The following SPIDR variants were observed in gnomAD, a reference collection of about 807,000 sequenced individuals.
SPIDR encodes the protein DNA repair-scaffolding protein.
Under a neutral mutation model 104.6 loss-of-function variants are expected in SPIDR, and 93 were observed. That is an observed-to-expected ratio of 0.89 (90% CI 0.75 to 1.06). The LOEUF (loss-of-function observed/expected upper bound fraction) is 1.06, where lower values mean the gene tolerates loss of function less well. SPIDR is among the 50% of genes least tolerant of loss of function. The pLI is 0.00. For missense variants in SPIDR, 1,154 were observed against 1,111.2 expected, an observed-to-expected ratio of 1.04 and a Z score of -0.55; for synonymous variants, 431 against 416.9, an observed-to-expected ratio of 1.03 and a Z score of -0.41.
At chr8:47,730,632 G>A (rs1042241059) in intron 19 of SPIDR, among the ~76,000 whole-genome samples, 1 of 152,194 alleles carries the variant, frequency 6.6e-6, no homozygotes, top group African/African-American at 2.4e-5. Context: ...CCAGGCTGGA[G>A]TGCAGTGACA....
At chr8:47,331,965 CTTT>C (rs1183447584) in intron 5 of SPIDR, among the ~76,000 whole-genome samples, 55 of 32,706 alleles carry the variant, frequency 1.7e-3, no homozygotes, top group East Asian at 0.012. Context: ...TTTTTTTAAA[CTTT>C]TTTTTTTTTT....
intron 1 of SPIDR, among the ~76,000 whole-genome samples, chr8:47,266,819 T>C (rs1283484967): frequency 6.6e-6 from 1 of 152,232 alleles, no homozygotes; most frequent in Non-Finnish European, 1.5e-5. Context: ...TACAGAGTTG[T>C]ACAAATGTTC....
chr8:47,372,950 G>A (rs782075443), intron 5 of SPIDR, among the ~76,000 whole-genome samples: 1 of 152,124 alleles, frequency 6.6e-6, no homozygotes, highest in Non-Finnish European at 1.5e-5. Flanking sequence ...TTCTTAGCAG[G>A]GGTTAGGTAC....
chr8:47,564,567 C>T (rs995558748), intron 8 of SPIDR, among the ~76,000 whole-genome samples: 1 of 151,858 alleles, frequency 6.6e-6, no homozygotes, highest in African/African-American at 2.4e-5. Flanking sequence ...GTAGTTCCAG[C>T]TATTCAGGAG....
chr8:47,603,239 C>T (rs1419296499), intron 10 of SPIDR, among the ~76,000 whole-genome samples: 1 of 151,806 alleles, frequency 6.6e-6, no homozygotes, highest in Non-Finnish European at 1.5e-5. Flanking sequence ...GTGATGATTC[C>T]TTAGTGATTC....
At chr8:47,534,158 T>C (rs1458051405) in intron 8 of SPIDR, among the ~76,000 whole-genome samples, 4 of 152,244 alleles carry the variant, frequency 2.6e-5, no homozygotes, top group Non-Finnish European at 4.4e-5. Flanking sequence ...GCACCATGAT[T>C]GTAAGTTTCC....
At chr8:47,309,554 G>A (rs2043740712) in intron 5 of SPIDR, among the ~76,000 whole-genome samples, 1 of 152,154 alleles carries the variant, frequency 6.6e-6, no homozygotes, top group Non-Finnish European at 1.5e-5. Context: ...CAAGGAGTTT[G>A]TCAGATTGTT....
intron 5 of SPIDR, chr8:47,388,406 GAA>G (rs1304649243): frequency 6.5e-6 from 1 of 154,102 alleles, no homozygotes; most frequent in Non-Finnish European, 1.5e-5. Context: ...GGTTTTAAAA[GAA>G]GAGAAAATTC....
intron 5 of SPIDR, among the ~76,000 whole-genome samples, chr8:47,314,770 A>G (rs1370897332): frequency 6.6e-6 from 1 of 152,156 alleles, no homozygotes; most frequent in Non-Finnish European, 1.5e-5. Flanking sequence ...ACAAATAGCA[A>G]ACTTACAAAC....
intron 8 of SPIDR, among the ~76,000 whole-genome samples, chr8:47,451,262 G>A (rs2071669617): frequency 6.6e-6 from 1 of 152,102 alleles, no homozygotes; most frequent in South Asian, 2.1e-4. Flanking sequence ...TTCTGGAGCT[G>A]AAAGTACAAT....
chr8:47,486,084 C>T (rs1045937054), intron 8 of SPIDR, among the ~76,000 whole-genome samples: 5 of 152,098 alleles, frequency 3.3e-5, no homozygotes, highest in Admixed American at 6.6e-5. Context: ...GAACCCATCG[C>T]AAAGCAGCTA....
At chr8:47,701,633 T>C (rs917733800) in intron 12 of SPIDR, 88 bp from the exon 13 acceptor site, 16 of 1,292,722 alleles carry the variant, frequency 1.2e-5, no homozygotes, top group African/African-American at 3.0e-5. Flanking sequence ...CAAATATGTA[T>C]ATATTAAAGA....
chr8:47,267,936 C>G (rs1318371810), intron 1 of SPIDR, among the ~76,000 whole-genome samples: 1 of 152,096 alleles, frequency 6.6e-6, no homozygotes, highest in Admixed American at 6.5e-5. Context: ...AGATTTATTC[C>G]TATGTTTTCT....
intron 5 of SPIDR, among the ~76,000 whole-genome samples, chr8:47,369,866 A>T (rs1265109287): frequency 6.6e-6 from 1 of 152,124 alleles, no homozygotes; most frequent in Non-Finnish European, 1.5e-5. Flanking sequence ...AGTCCTATTA[A>T]ATTCATTAAT....
At chr8:47,327,807 C>T (rs2047943164) in intron 5 of SPIDR, among the ~76,000 whole-genome samples, 1 of 152,146 alleles carries the variant, frequency 6.6e-6, no homozygotes, top group South Asian at 2.1e-4. Flanking sequence ...AGGTGATCCA[C>T]TTGTCTTGGC....
At chr8:47,283,260 G>T (rs1218435883) in intron 2 of SPIDR, among the ~76,000 whole-genome samples, 1 of 152,202 alleles carries the variant, frequency 6.6e-6, no homozygotes, top group South Asian at 2.1e-4. Flanking sequence ...TAATATTGGT[G>T]TGTTGCAGAG....
chr8:47,588,082 TATATAC>T (rs2060508533), intron 8 of SPIDR, among the ~76,000 whole-genome samples: 1 of 93,858 alleles, frequency 1.1e-5, no homozygotes, highest in Non-Finnish European at 2.1e-5. Context: ...TATATATATA[TATATAC>T]ACGTATGTAT....
intron 11 of SPIDR, 142 bp from the exon 12 acceptor site, chr8:47,700,261 C>A: frequency 2.4e-6 from 2 of 846,656 alleles, no homozygotes; most frequent in Non-Finnish European, 4.0e-6. Context: ...GTGCCTTCTT[C>A]CCCCTCTGAA....
At chr8:47,327,998 G>A (rs1264834256) in intron 5 of SPIDR, among the ~76,000 whole-genome samples, 7 of 149,814 alleles carry the variant, frequency 4.7e-5, no homozygotes, top group Non-Finnish European at 1.0e-4. Context: ...ACCCCTGGCC[G>A]TGTTTTTTTT....
Sources: gnomAD v4.1 joint callset for allele counts (sites outside exome capture counted in the v4.1 genomes callset) on GRCh38, gnomAD v4.1.1 for gene constraint, MANE v1.5 for transcripts, NCBI Gene and HGNC (gene_info 2026-07-23, HGNC 2026-07-21) for gene names.